Variants in ZNF521 observed in about 807,000 individuals in gnomAD.
ZNF521 encodes the protein LYST-interacting protein 3.
Under a neutral mutation model 105.5 loss-of-function variants are expected in ZNF521, and 14 were observed. The observed-to-expected ratio is 0.13, with a 90% CI of 0.09 to 0.21. ZNF521 has a LOEUF of 0.21. Ranked by LOEUF, ZNF521 falls within the 10% of genes least tolerant of loss-of-function variation. The pLI is 1.00. For synonymous variants in ZNF521, 635 were observed against 606.0 expected (o/e 1.05, Z -0.70); for missense variants, 1,233 against 1,629.7 (o/e 0.76, Z 4.19).
At chr18:25,286,988 A>T (rs1910742134) in intron 3 of ZNF521, among the ~76,000 whole-genome samples, 1 of 152,234 alleles carries the variant, frequency 6.6e-6, no homozygotes, top group African/African-American at 2.4e-5. Flanking sequence ...GAATACTCCA[A>T]AAGAAAATTC....
chr18:25,109,858 T>C (rs2034150132), intron 5 of ZNF521, among the ~76,000 whole-genome samples: 1 of 152,224 alleles, frequency 6.6e-6, no homozygotes, highest in Admixed American at 6.5e-5. Flanking sequence ...AGTCCTCTGT[T>C]GGCGGCACAA....
At chr18:25,292,441 T>C (rs1911084722) in intron 3 of ZNF521, among the ~76,000 whole-genome samples, 1 of 152,196 alleles carries the variant, frequency 6.6e-6, no homozygotes, top group Admixed American at 6.5e-5. Flanking sequence ...TTCCAACAAA[T>C]TCTTCTCAAC....
chr18:25,176,515 C>A (rs2144576708), intron 5 of ZNF521, among the ~76,000 whole-genome samples: 1 of 152,280 alleles, frequency 6.6e-6, no homozygotes, highest in East Asian at 1.9e-4. Flanking sequence ...CATCATCTAG[C>A]CTCTAATATC....
chr18:25,199,461 G>A (rs1432273438), intron 4 of ZNF521, among the ~76,000 whole-genome samples: 4 of 151,854 alleles, frequency 2.6e-5, no homozygotes, highest in Non-Finnish European at 4.4e-5. Flanking sequence ...AGATGCTATC[G>A]GGATGTTATT....
intron 1 of ZNF521, 116 bp downstream of exon 1, chr18:25,351,889 A>AGCGGCGGCG (rs1914803975): frequency 1.4e-5 from 4 of 278,290 alleles, no homozygotes; most frequent in Admixed American, 3.8e-5. Flanking sequence ...CGGCGGCGGC[A>AGCGGCGGCG]GCAGCGGCGG....
intron 5 of ZNF521, among the ~76,000 whole-genome samples, chr18:25,093,403 A>G (rs1345683612): frequency 6.6e-6 from 1 of 152,230 alleles, no homozygotes; most frequent in Non-Finnish European, 1.5e-5. Context: ...CTAGGGAATG[A>G]AAGACACCGT....
At chr18:25,140,149 T>C (rs1386645481) in intron 5 of ZNF521, among the ~76,000 whole-genome samples, 1 of 152,220 alleles carries the variant, frequency 6.6e-6, no homozygotes, top group Non-Finnish European at 1.5e-5. Context: ...ATCATTTACA[T>C]GAATTTGCTT....
intron 4 of ZNF521, among the ~76,000 whole-genome samples, chr18:25,213,030 C>T (rs1388666787): frequency 6.6e-6 from 1 of 151,234 alleles, no homozygotes. Flanking sequence ...CTACTTTTTT[C>T]TAATACTCAA....
At chr18:25,308,434 C>T (rs1912102401) in intron 3 of ZNF521, among the ~76,000 whole-genome samples, 2 of 152,070 alleles carry the variant, frequency 1.3e-5, no homozygotes, top group South Asian at 4.1e-4. Flanking sequence ...CTAATACATT[C>T]TTATTCTCTC....
At chr18:25,156,307 G>C (rs998310294) in intron 5 of ZNF521, among the ~76,000 whole-genome samples, 17 of 152,186 alleles carry the variant, frequency 1.1e-4, no homozygotes, top group Non-Finnish European at 2.4e-4. Context: ...TGAGAGTCCA[G>C]TTCCCATCAG....
chr18:25,062,927 T>TA (rs923508550), intron 7 of ZNF521, among the ~76,000 whole-genome samples, 186 bp from the exon 8 acceptor site: 13 of 152,016 alleles, frequency 8.6e-5, no homozygotes, highest in East Asian at 1.9e-4. Context: ...CCTCTAATGT[T>TA]AAAAAAAATC....
chr18:25,117,006 TACACACACACAC>T (rs1176125843), intron 5 of ZNF521, among the ~76,000 whole-genome samples: 1 of 114,664 alleles, frequency 8.7e-6, no homozygotes, highest in African/African-American at 3.5e-5. Context: ...TATATATACA[TACACACACACAC>T]ATATATATAT....
intron 5 of ZNF521, among the ~76,000 whole-genome samples, chr18:25,119,251 A>G (rs1180044581): frequency 6.6e-6 from 1 of 152,186 alleles, no homozygotes; most frequent in Admixed American, 6.5e-5. Flanking sequence ...ATAGAACACT[A>G]GCTCCCTGCC....
intron 2 of ZNF521, among the ~76,000 whole-genome samples, chr18:25,342,408 G>GTTTTT (rs756445552): frequency 4.5e-5 from 5 of 110,880 alleles, no homozygotes; most frequent in African/African-American, 1.5e-4. Context: ...TCTTTCCTTT[G>GTTTTT]TTTTTTTTTT....
At chr18:25,339,036 T>C (rs1162219434) in intron 2 of ZNF521, among the ~76,000 whole-genome samples, 1 of 152,202 alleles carries the variant, frequency 6.6e-6, no homozygotes, top group Non-Finnish European at 1.5e-5. Flanking sequence ...GGTAGTTTAC[T>C]TAGAATGGGA....
chr18:25,085,950 C>T (rs1218777653), intron 7 of ZNF521, among the ~76,000 whole-genome samples: 1 of 151,954 alleles, frequency 6.6e-6, no homozygotes, highest in African/African-American at 2.4e-5. Context: ...ATTATTCTCA[C>T]CTTGATAGAA....
At position 25,146,501 on chromosome 18, in the gene ZNF521, T is replaced by C. The variant is rs117500183; in HGVS notation, c.3658+48659A>G. Among the ~76,000 whole-genome samples, 68 of 152,196 alleles carry C rather than the reference T, an allele frequency of 4.5e-4. No individual in the cohort carries two copies. The East Asian group carries it at 0.012, about 27-fold the overall frequency. ...ACTAGAAAGGATAGAGAAAAATACA[T>C]AAAAATGAGCATCTTTTATGCCATG... On this transcript the variant is annotated intron_variant, in intron 5 of 7. Transcript: ENST00000361524.
chr18:25,204,759 A>G (rs887201967), intron 4 of ZNF521, among the ~76,000 whole-genome samples: 3 of 151,986 alleles, frequency 2.0e-5, no homozygotes, highest in African/African-American at 4.8e-5. Flanking sequence ...CCTCCTTCAC[A>G]TTTTGGAGTC....
chr18:25,142,015 T>C (rs1238406812), intron 5 of ZNF521, among the ~76,000 whole-genome samples: 2 of 152,200 alleles, frequency 1.3e-5, no homozygotes, highest in African/African-American at 2.4e-5. Context: ...CTTTCTGCTA[T>C]GCAAACATCA....
Sources: gnomAD v4.1 joint callset for allele counts (sites outside exome capture counted in the v4.1 genomes callset) on GRCh38, gnomAD v4.1.1 for gene constraint, MANE v1.5 for transcripts, NCBI Gene and HGNC (gene_info 2026-07-23, HGNC 2026-07-21) for gene names.